PPP4R3B: variants seen among roughly 807,000 people sequenced by gnomAD.
The protein encoded by PPP4R3B is serine/threonine-protein phosphatase 4 regulatory subunit 3B.
Under a neutral mutation model 95.4 loss-of-function variants are expected in PPP4R3B, and 52 were observed. The ratio of observed to expected loss-of-function variants is 0.54; its 90% CI spans 0.44 to 0.69. PPP4R3B has a LOEUF of 0.69. Ranked by LOEUF, PPP4R3B falls within the 30% of genes least tolerant of loss-of-function variation. PPP4R3B has a pLI of 0.00. For missense variants in PPP4R3B, 1,003 were observed against 1,005.9 expected (o/e 1.00, Z 0.04); for synonymous variants, 407 against 343.9 (o/e 1.18, Z -2.03).
intron 4 of PPP4R3B, among the ~76,000 whole-genome samples, chr2:55,598,070 A>G (rs189951478): frequency 2.4e-4 from 36 of 152,200 alleles, no homozygotes; most frequent in Admixed American, 4.6e-4. Context: ...ATACAAAAAA[A>G]TCAGCTGGGC....
chr2:55,613,062 G>T (rs1694398573), intron 2 of PPP4R3B, among the ~76,000 whole-genome samples: 1 of 152,072 alleles, frequency 6.6e-6, no homozygotes, highest in Non-Finnish European at 1.5e-5. Flanking sequence ...AGTGAGCTGT[G>T]ATCAAACCAC....
At chr2:55,558,495 C>T (rs1197703979) in intron 16 of PPP4R3B, among the ~76,000 whole-genome samples, 1 of 152,112 alleles carries the variant, frequency 6.6e-6, no homozygotes, top group Non-Finnish European at 1.5e-5. Context: ...GTAGTCCCAG[C>T]TACTTGGGAG....
At chr2:55,567,558 G>T (rs6737077) in intron 13 of PPP4R3B, among the ~76,000 whole-genome samples, 1 of 152,086 alleles carries the variant, frequency 6.6e-6, no homozygotes, top group African/African-American at 2.4e-5. Context: ...TGGGACTACA[G>T]GCGTGTGCCA....
In PPP4R3B at chr2:55,604,013, C is replaced by T; in HGVS notation, c.262G>A (p.Ala88Thr). The change falls in exon 3 of 17, where the codon GCT (alanine) becomes ACT (threonine). Residue 88 changes from alanine to threonine, a missense_variant. By Grantham distance (58) the Ala-to-Thr change is moderately conservative. Coordinates refer to ENST00000616407, the MANE Select transcript of PPP4R3B (RefSeq NM_001122964.3). ...TTTTCCCAGATCTCATCACAGCCAG[C>T]TTTCTCCTGAAAACTCAGAGCCAAA... ...YDLALSFQEKAGCDEIWEKIC... is the reference protein window; with the variant it reads ...YDLALSFQEKTGCDEIWEKIC... The T allele has an allele frequency of 6.2e-7, 1 of 1,611,064 alleles. No homozygotes were observed. The highest frequency in any genetic ancestry group is 1.3e-5 in the African/African-American group (1 of 74,986).
At chr2:55,574,022 G>A (rs953648462) in intron 11 of PPP4R3B, among the ~76,000 whole-genome samples, 2 of 150,734 alleles carry the variant, frequency 1.3e-5, no homozygotes, top group Non-Finnish European at 2.9e-5. Context: ...CAGAGTAGCT[G>A]GAACTACAGA....
chr2:55,565,057 A>G lies in PPP4R3B; in HGVS notation c.1936-16T>C. On this transcript the variant is annotated splice_polypyrimidine_tract_variant and intron_variant, in intron 13 of 16. Coordinates refer to ENST00000616407, the MANE Select transcript of PPP4R3B (RefSeq NM_001122964.3). ...TGATATCTTCCTGTATAAGCACAAA[A>G]TTTACATTTAAAATATAATACAATG... 1 of 1,539,348 alleles carries G rather than the reference A, an allele frequency of 6.5e-7. No homozygotes were observed. The highest frequency in any genetic ancestry group is 1.9e-4 in the Middle Eastern group (1 of 5,276).
intron 2 of PPP4R3B, 53 bp downstream of exon 2, chr2:55,615,398 A>G (rs1694752128): frequency 7.7e-7 from 1 of 1,291,484 alleles, no homozygotes; most frequent in Non-Finnish European, 1.1e-6. Context: ...TCAGATTAAT[A>G]CTTCCTTGAT....
intron 1 of PPP4R3B, among the ~76,000 whole-genome samples, chr2:55,615,974 T>C (rs978980152): frequency 7.3e-6 from 1 of 137,208 alleles, no homozygotes; most frequent in East Asian, 2.2e-4. Flanking sequence ...GAATTCACAT[T>C]TTCTCTCCAA....
intron 13 of PPP4R3B, among the ~76,000 whole-genome samples, chr2:55,567,461 G>A (rs1323743564): frequency 6.6e-6 from 1 of 151,936 alleles, no homozygotes; most frequent in Non-Finnish European, 1.5e-5. Flanking sequence ...CTGTCACCCA[G>A]GCTGGAATGA....
At chr2:55,559,023 C>T in intron 15 of PPP4R3B, 55 bp from the exon 16 acceptor site, 1 of 1,351,636 alleles carries the variant, frequency 7.4e-7, no homozygotes, top group African/African-American at 1.5e-5. Context: ...TAAGTCAAAA[C>T]ATCTAAAAAC....
intron 4 of PPP4R3B, among the ~76,000 whole-genome samples, chr2:55,594,701 C>A (rs912910596): frequency 6.6e-6 from 1 of 152,154 alleles, no homozygotes; most frequent in East Asian, 1.9e-4. Flanking sequence ...TGACTCTGTC[C>A]AATCTCCTAA....
intron 12 of PPP4R3B, 131 bp from the exon 13 acceptor site, chr2:55,568,494 A>C (rs1687584726): frequency 1.5e-6 from 1 of 655,378 alleles, no homozygotes; most frequent in Non-Finnish European, 2.3e-6. Context: ...TAAAGTAAAA[A>C]GTAAACTCCT....
intron 2 of PPP4R3B, among the ~76,000 whole-genome samples, chr2:55,610,837 G>T (rs113157887): frequency 6.7e-6 from 1 of 148,152 alleles, no homozygotes; most frequent in African/African-American, 2.5e-5. Context: ...ACACACAATT[G>T]TGTTAAATAG....
intron 2 of PPP4R3B, among the ~76,000 whole-genome samples, chr2:55,611,867 T>C (rs1455430511): frequency 6.6e-6 from 1 of 152,076 alleles, no homozygotes; most frequent in Non-Finnish European, 1.5e-5. Context: ...TAGCTGGCAC[T>C]ATAGCTGCGC....
intron 2 of PPP4R3B, chr2:55,615,239 A>C (rs1694726840): frequency 3.5e-5 from 18 of 508,804 alleles, no homozygotes; most frequent in East Asian, 7.2e-5. Context: ...TCTTAGAATA[A>C]ACCGACAGTG....
chr2:55,602,369 A>G (rs1470226015), intron 3 of PPP4R3B, among the ~76,000 whole-genome samples: 5 of 152,170 alleles, frequency 3.3e-5, no homozygotes, highest in African/African-American at 1.2e-4. Context: ...TTGCCAAAGG[A>G]AAAGTTTGGC....
Position 55,547,942 on chromosome 2 carries a change from T to C in PPP4R3B, c.*1969A>G, listed in dbSNP as rs1415118165. ...AACAAACAAAAAGTAACTAGGAAAGTGTTTTACATGTGGGCTTATTTTAAG... is the reference window on the plus strand; with the variant it reads ...AACAAACAAAAAGTAACTAGGAAAGCGTTTTACATGTGGGCTTATTTTAAG... On this transcript the variant is annotated 3_prime_UTR_variant, in exon 17 of 17. Transcript: ENST00000616407. 1.3e-5 allele frequency: 2 copies of C among 152,106 alleles called. No homozygotes were observed. Among genetic ancestry groups the C allele is most frequent in the Non-Finnish European group, 2.9e-5 (2 of 68,014 alleles). 9.4% of individuals were successfully genotyped at this position (152,106 alleles called of 1,614,324 possible).
chr2:55,566,800 C>T (rs536591788), intron 13 of PPP4R3B, among the ~76,000 whole-genome samples: 1 of 152,144 alleles, frequency 6.6e-6, no homozygotes, highest in Admixed American at 6.5e-5. Context: ...TGAGCCTAGG[C>T]GTTTGAGACC....
At chr2:55,605,023 G>T (rs780023366) in intron 2 of PPP4R3B, among the ~76,000 whole-genome samples, 1 of 152,040 alleles carries the variant, frequency 6.6e-6, no homozygotes, top group East Asian at 1.9e-4. Context: ...TAGAGACAGG[G>T]TTTCACCATT....
Sources: gnomAD v4.1 joint callset for allele counts (sites outside exome capture counted in the v4.1 genomes callset) on GRCh38, gnomAD v4.1.1 for gene constraint, MANE v1.5 for transcripts, NCBI Gene and HGNC (gene_info 2026-07-23, HGNC 2026-07-21) for gene names.